The following SCAPER variants were observed in gnomAD, a reference collection of about 807,000 sequenced individuals.
The protein encoded by SCAPER is S phase cyclin A-associated protein in the endoplasmic reticulum.
Under a neutral mutation model 182.2 loss-of-function variants are expected in SCAPER, and 98 were observed. The observed-to-expected ratio is 0.54, with a 90% CI of 0.46 to 0.64. The LOEUF (loss-of-function observed/expected upper bound fraction) is 0.64. Among genes scored for constraint, SCAPER ranks in the 30% least tolerant of loss-of-function variants. The pLI, the probability that SCAPER is intolerant of heterozygous loss-of-function variation, is 0.00. For synonymous variants in SCAPER, 605 were observed against 564.6 expected (o/e 1.07, Z -1.01); for missense variants, 1,432 against 1,690.0 (o/e 0.85, Z 2.68).
chr15:76,507,520 T>C (rs2041688994), intron 23 of SCAPER, among the ~76,000 whole-genome samples: 1 of 152,176 alleles, frequency 6.6e-6, no homozygotes, highest in Admixed American at 6.5e-5. Flanking sequence ...CTGAGGTTTT[T>C]TTTGAAAAGG....
chr15:76,733,348 G>A lies in SCAPER; in HGVS notation c.1903C>T (p.Gln635Ter). Residue 635 changes from glutamine (Q) to a stop codon, truncating the protein, a stop_gained, in exon 16 of 32, where the codon CAG becomes TAG. Coordinates refer to ENST00000563290, the MANE Select transcript of SCAPER (RefSeq NM_020843.4). LOFTEE classifies it high-confidence loss of function. Reference protein sequence around the residue: ...EIAFINTLEAQNKRHDVLSKL... With the variant: ...EIAFINTLEA ...GATAAAACATCATGACGTTTATTCT[G>A]GGCTTCAAGGGTATTTATAAAGGCA... 6.2e-7 allele frequency: 1 copy of A among 1,613,322 alleles called. No homozygotes were observed. The highest frequency in any genetic ancestry group is 1.1e-5 in the South Asian group (1 of 91,016).
chr15:76,684,280 A>C (rs766870632), intron 20 of SCAPER, among the ~76,000 whole-genome samples: 1 of 152,204 alleles, frequency 6.6e-6, no homozygotes, highest in African/African-American at 2.4e-5. Flanking sequence ...CTGGATAAAA[A>C]AGCAAGACCC....
intron 2 of SCAPER, among the ~76,000 whole-genome samples, chr15:76,869,608 A>G (rs2072548057): frequency 6.6e-6 from 1 of 152,178 alleles, no homozygotes; most frequent in Non-Finnish European, 1.5e-5. Context: ...AGGCAATAAC[A>G]TGCTACCAAG....
intron 26 of SCAPER, among the ~76,000 whole-genome samples, chr15:76,411,265 G>A (rs556868183): frequency 6.6e-6 from 1 of 152,132 alleles, no homozygotes; most frequent in South Asian, 2.1e-4. Context: ...ATGAATACAG[G>A]TTGAGCATGC....
At chr15:76,443,726 C>T (rs2047784757) in intron 25 of SCAPER, among the ~76,000 whole-genome samples, 3 of 152,164 alleles carry the variant, frequency 2.0e-5, no homozygotes, top group African/African-American at 2.4e-5. Flanking sequence ...TGATGAGTGC[C>T]GAAACCATTG....
At chr15:76,537,806 T>C (rs987124251) in intron 23 of SCAPER, among the ~76,000 whole-genome samples, 1 of 152,114 alleles carries the variant, frequency 6.6e-6, no homozygotes. Flanking sequence ...AGAAAATTTT[T>C]GCAACCTACT....
chr15:76,698,145 A>AT (rs1399143246), intron 20 of SCAPER, among the ~76,000 whole-genome samples: 3 of 152,000 alleles, frequency 2.0e-5, no homozygotes, highest in Non-Finnish European at 2.9e-5. Flanking sequence ...TACTCATACG[A>AT]TTTGAGTAAA....
At chr15:76,563,835 T>C (rs1015356465) in intron 23 of SCAPER, among the ~76,000 whole-genome samples, 3 of 152,186 alleles carry the variant, frequency 2.0e-5, no homozygotes, top group South Asian at 2.1e-4. Flanking sequence ...GTCTCATCTC[T>C]GGAATGGAAG....
intron 1 of SCAPER, among the ~76,000 whole-genome samples, chr15:76,884,767 T>A (rs753069424): frequency 1.3e-5 from 2 of 152,124 alleles, no homozygotes; most frequent in African/African-American, 4.8e-5. Context: ...CCCAAATACC[T>A]ATCAACTGAT....
intron 21 of SCAPER, among the ~76,000 whole-genome samples, chr15:76,625,892 G>A (rs1477237350): frequency 2.0e-5 from 3 of 152,038 alleles, no homozygotes; most frequent in Non-Finnish European, 4.4e-5. Flanking sequence ...CTGGCTTTAG[G>A]TCAGGGTGTC....
At position 76,814,584 on chromosome 15, in the gene SCAPER, T is replaced by C. The variant is rs547869519; in HGVS notation, c.394-9951A>G. Among the ~76,000 whole-genome samples the C allele has an allele frequency of 6.6e-5, 10 of 152,282 alleles. No homozygotes were observed. In the South Asian group the frequency reaches 2.1e-3, roughly 32 times the overall value. ...CATGTAAAAGAAGGAACTAGACCCT[T>C]ATCTTACACCATACGCAAAAATAAA... is the stretch of plus-strand genomic sequence containing the variant. On this transcript the variant is annotated intron_variant, in intron 5 of 31. Coordinates refer to ENST00000563290, the MANE Select transcript of SCAPER (RefSeq NM_020843.4).
intron 24 of SCAPER, among the ~76,000 whole-genome samples, chr15:76,475,548 G>A (rs1596868363): frequency 1.3e-5 from 2 of 152,236 alleles, no homozygotes; most frequent in South Asian, 4.1e-4. Context: ...CCTGACCTCA[G>A]GTGATCAACC....
At chr15:76,408,981 A>C (rs1013615180) in intron 26 of SCAPER, among the ~76,000 whole-genome samples, 10 of 152,042 alleles carry the variant, frequency 6.6e-5, no homozygotes, top group Non-Finnish European at 1.5e-4. Context: ...TGAAACAACC[A>C]CTTGTTGAGT....
intron 22 of SCAPER, among the ~76,000 whole-genome samples, chr15:76,600,824 T>A (rs2049882117): frequency 8.4e-6 from 1 of 118,706 alleles, no homozygotes; most frequent in African/African-American, 2.6e-5. Context: ...TGGAGATGAA[T>A]AAAAACAAAA....
intron 23 of SCAPER, among the ~76,000 whole-genome samples, chr15:76,554,619 AT>A (rs2046045195): frequency 1.3e-5 from 2 of 151,536 alleles, no homozygotes; most frequent in Admixed American, 1.3e-4. Flanking sequence ...TGCTTTGGCT[AT>A]TTTTCATGTC....
intron 26 of SCAPER, among the ~76,000 whole-genome samples, chr15:76,432,965 A>T (rs959283636): frequency 1.3e-5 from 2 of 152,312 alleles, no homozygotes; most frequent in African/African-American, 4.8e-5. Flanking sequence ...AATACCTTAC[A>T]CTTAAAGGGG....
At chr15:76,788,601 G>A (rs889831663) in intron 8 of SCAPER, among the ~76,000 whole-genome samples, 5 of 152,032 alleles carry the variant, frequency 3.3e-5, no homozygotes, top group Non-Finnish European at 7.4e-5. Flanking sequence ...ATACAAAACT[G>A]TATGTTCGTA....
intron 22 of SCAPER, among the ~76,000 whole-genome samples, chr15:76,606,160 T>G (rs972230056): frequency 6.6e-6 from 1 of 152,230 alleles, no homozygotes; most frequent in Non-Finnish European, 1.5e-5. Context: ...GGGCATTTAG[T>G]GCTATGAATT....
chr15:76,879,849 T>G (rs2073419691), intron 2 of SCAPER, among the ~76,000 whole-genome samples: 2 of 152,200 alleles, frequency 1.3e-5, no homozygotes, highest in African/African-American at 2.4e-5. Context: ...TTGTAACACT[T>G]AACCACAATT....
Sources: gnomAD v4.1 joint callset for allele counts (sites outside exome capture counted in the v4.1 genomes callset) on GRCh38, gnomAD v4.1.1 for gene constraint, MANE v1.5 for transcripts, NCBI Gene and HGNC (gene_info 2026-07-23, HGNC 2026-07-21) for gene names.